The following LYPD6B variants were observed in gnomAD, a reference collection of about 807,000 sequenced individuals.
LYPD6B encodes the protein LY6/PLAUR domain containing 6B.
LYPD6B carries 17 observed loss-of-function variants against 22.8 expected under a neutral mutation model. The ratio of observed to expected loss-of-function variants is 0.75; its 90% confidence interval spans 0.51 to 1.12. The LOEUF is 1.12. Among genes scored for constraint, LYPD6B ranks in the 50% most tolerant of loss-of-function variants. The probability of loss-of-function intolerance (pLI) is 0.00; values close to 1 mark genes in which losing one functional copy is unlikely to be tolerated. For synonymous variants in LYPD6B, 106 were observed against 91.6 expected (o/e 1.16, Z -0.90); for missense variants, 221 against 258.3 (o/e 0.86, Z 0.99).
At chr2:149,046,843 A>G (rs915786757) in intron 1 of LYPD6B, among the ~76,000 whole-genome samples, 1 of 152,216 alleles carries the variant, frequency 6.6e-6, no homozygotes, top group African/African-American at 2.4e-5. Context: ...AGCTATAAAT[A>G]AAAGATTTTT....
intron 2 of LYPD6B, among the ~76,000 whole-genome samples, chr2:149,132,775 G>T (rs189260498): frequency 3.0e-4 from 45 of 152,300 alleles, no homozygotes; most frequent in African/African-American, 1.0e-3. Context: ...TTGGCAGGCA[G>T]TTTAGTAGAA....
chr2:149,134,549 G>A (rs1053796106), intron 2 of LYPD6B, among the ~76,000 whole-genome samples: 5 of 152,164 alleles, frequency 3.3e-5, no homozygotes, highest in African/African-American at 7.2e-5. Flanking sequence ...AATTCAGATC[G>A]CTAGAGAGTA....
chr2:149,181,613 CAAA>C (rs1031450408), intron 3 of LYPD6B, among the ~76,000 whole-genome samples: 1 of 152,050 alleles, frequency 6.6e-6, no homozygotes, highest in Non-Finnish European at 1.5e-5. Context: ...GTCTCCTTTG[CAAA>C]AAAGTCTCAT....
At chr2:149,212,103 C>T (rs1190225777) in intron 5 of LYPD6B, among the ~76,000 whole-genome samples, 5 of 151,386 alleles carry the variant, frequency 3.3e-5, no homozygotes, top group African/African-American at 4.9e-5. Flanking sequence ...TGCAGCCGGG[C>T]GCGGTGGCTC....
intron 2 of LYPD6B, among the ~76,000 whole-genome samples, chr2:149,153,220 C>G (rs1299974318): frequency 6.6e-6 from 1 of 152,162 alleles, no homozygotes; most frequent in African/African-American, 2.4e-5. Context: ...GCAGAGTCCT[C>G]TAAGACTTGG....
intron 1 of LYPD6B, chr2:149,101,009 A>G (rs1686180788): frequency 6.6e-6 from 1 of 152,234 alleles, no homozygotes; most frequent in African/African-American, 2.4e-5. Context: ...CTGTGTCTTC[A>G]GACAGTCAGA....
At chr2:149,086,718 T>G (rs1411214807) in intron 1 of LYPD6B, among the ~76,000 whole-genome samples, 1 of 152,172 alleles carries the variant, frequency 6.6e-6, no homozygotes, top group African/African-American at 2.4e-5. Context: ...TAAAAATTTA[T>G]TTTTTCACAA....
chr2:149,081,007 C>T (rs569539269), intron 1 of LYPD6B, among the ~76,000 whole-genome samples: 3 of 152,178 alleles, frequency 2.0e-5, no homozygotes, highest in East Asian at 1.9e-4. Flanking sequence ...TTGCATAGGA[C>T]GTTTGTAACC....
chr2:149,179,368 C>T (rs1331327014), intron 3 of LYPD6B, among the ~76,000 whole-genome samples: 3 of 152,164 alleles, frequency 2.0e-5, no homozygotes, highest in Admixed American at 1.3e-4. Flanking sequence ...GTGCCGATGA[C>T]GATGATAAAA....
At chr2:149,175,566 G>GATT (rs1217861773) in intron 3 of LYPD6B, among the ~76,000 whole-genome samples, 1 of 151,856 alleles carries the variant, frequency 6.6e-6, no homozygotes, top group Non-Finnish European at 1.5e-5. Context: ...TTAGTTTACT[G>GATT]TAACTCTTTA....
intron 1 of LYPD6B, among the ~76,000 whole-genome samples, chr2:149,093,513 T>G (rs1004305075): frequency 3.3e-5 from 5 of 152,214 alleles, no homozygotes; most frequent in African/African-American, 1.2e-4. Flanking sequence ...TGATGATTTT[T>G]ACGTTTCTCT....
chr2:149,044,852 A>G lies in LYPD6B; in HGVS notation c.-67+6051A>G, dbSNP rs564572450. On this transcript the variant is annotated intron_variant, in intron 1 of 6. Transcript: ENST00000409642. The stretch of plus-strand genomic sequence containing the variant: ...AATTTTATTGAATGCTTTTTTTACC[A>G]TCAACTGACAGAACCATATGAGTTT... 1.5e-3 allele frequency among the ~76,000 whole-genome samples: 230 copies of G among 151,910 alleles called. 5 individuals are homozygous for G. In the South Asian group the frequency reaches 0.024, roughly 16 times the overall value.
In LYPD6B at chr2:149,214,883, A is replaced by C. The variant is rs1393000552; in HGVS notation, c.*173A>C. On this transcript the variant is annotated 3_prime_UTR_variant, in exon 7 of 7. Transcript: ENST00000409642. ...ATAAAATGTTCCCGCATGAGGCCACAGGACTGAGGATGGGAATTTGGCAGG... is the reference window on the plus strand; with the variant it reads ...ATAAAATGTTCCCGCATGAGGCCACCGGACTGAGGATGGGAATTTGGCAGG... The C allele has an allele frequency of 1.3e-5, 9 of 677,406 alleles. No homozygotes were observed. The highest frequency in any genetic ancestry group is 2.6e-5 in the Admixed American group (1 of 38,004). The allele number at this position is 677,406 out of a possible 1,614,324, so 42.0% of individuals were successfully genotyped here.
chr2:149,187,288 C>A, intron 3 of LYPD6B: 1 of 907,660 alleles, frequency 1.1e-6, no homozygotes, highest in Non-Finnish European at 1.5e-6. Flanking sequence ...TTTGTATAAG[C>A]CCAGAATTTG....
chr2:149,043,580 C>T (rs1033327975), intron 1 of LYPD6B, among the ~76,000 whole-genome samples: 3 of 152,110 alleles, frequency 2.0e-5, no homozygotes, highest in Non-Finnish European at 2.9e-5. Flanking sequence ...CTTCTCCCAG[C>T]GACTGCCTTG....
chr2:149,111,201 A>G (rs962811551), intron 1 of LYPD6B, among the ~76,000 whole-genome samples: 7 of 152,066 alleles, frequency 4.6e-5, no homozygotes, highest in African/African-American at 7.2e-5. Flanking sequence ...GGTGGTAAGA[A>G]CTGTAGATTT....
chr2:149,205,232 C>T lies in LYPD6B; in HGVS notation c.78-21C>T, dbSNP rs778857224. ...GATGTAAAATATAAAGAAACTGAAC[C>T]AGTGTGTCTTTTCACCATAGATATA... On this transcript the variant is annotated intron_variant, in intron 3 of 6. Transcript: ENST00000409642. The T allele has an allele frequency of 1.9e-6, 3 of 1,587,482 alleles. No homozygotes were observed. The East Asian group carries it at 6.8e-5, about 36-fold the overall frequency.
chr2:149,160,818 C>A lies in LYPD6B; in HGVS notation c.60C>A (p.Thr20=), dbSNP rs374776574. ...CTGTTCCAGAGAGGAGCCTGACAAC[C>A]ACATTCTCCTTCTCAAGGTAAGAAT... ...LFTVPERSLT[T]TFSFSRYKSS... is the part of the protein sequence containing the mutation. The change falls in exon 3 of 7, where the codon ACC becomes ACA. Residue 20 remains threonine, a synonymous_variant. Transcript: ENST00000409642. 1 of 1,554,222 alleles carries A rather than the reference C, an allele frequency of 6.4e-7. No homozygotes were observed. The highest frequency in any genetic ancestry group is 2.4e-5 in the East Asian group (1 of 41,466).
chr2:149,205,518 C>G, intron 4 of LYPD6B, 114 bp downstream of exon 4: 2 of 1,162,446 alleles, frequency 1.7e-6, no homozygotes, highest in Non-Finnish European at 1.2e-6. Flanking sequence ...TGTTTTATCC[C>G]TAGAATAAAA....
Sources: allele counts gnomAD v4.1 joint callset (sites outside exome capture counted in the v4.1 genomes callset), GRCh38; gene constraint gnomAD v4.1.1; transcripts MANE v1.5; gene names NCBI Gene and HGNC (gene_info 2026-07-23, HGNC 2026-07-21).